Variants in CNST observed in about 807,000 individuals in gnomAD.
The protein encoded by CNST is consortin.
Under a neutral mutation model 72.4 loss-of-function variants are expected in CNST, and 39 were observed. The observed-to-expected ratio is 0.54, with a 90% CI of 0.42 to 0.70. The LOEUF is 0.70. Among genes scored for constraint, CNST ranks in the 30% least tolerant of loss-of-function variants. The probability of loss-of-function intolerance (pLI) is 0.00; values close to 1 mark genes in which losing one functional copy is unlikely to be tolerated. For synonymous variants in CNST, 332 were observed against 320.1 expected (o/e 1.04, Z -0.40); for missense variants, 871 against 868.5 (o/e 1.00, Z -0.04).
chr1:246,662,482 G>A (rs563181592), intron 10 of CNST, among the ~76,000 whole-genome samples: 7 of 152,158 alleles, frequency 4.6e-5, no homozygotes, highest in East Asian at 1.9e-4. Context: ...TCCGCCTCCC[G>A]AGTTCAAGCG....
intron 2 of CNST, among the ~76,000 whole-genome samples, chr1:246,603,930 TAAAAG>T (rs1662491894): frequency 6.6e-6 from 1 of 152,040 alleles, no homozygotes; most frequent in Admixed American, 6.6e-5. Flanking sequence ...GTAAAGCCGT[TAAAAG>T]AAAAAAAGGC....
At chr1:246,601,387 A>AT (rs1313016236) in intron 2 of CNST, among the ~76,000 whole-genome samples, 2 of 152,118 alleles carry the variant, frequency 1.3e-5, no homozygotes, top group South Asian at 2.1e-4. Context: ...ACTGTTAGTG[A>AT]TTTTTTCTAT....
At chr1:246,659,827 A>T (rs1418623143) in intron 9 of CNST, among the ~76,000 whole-genome samples, 1 of 152,240 alleles carries the variant, frequency 6.6e-6, no homozygotes, top group Non-Finnish European at 1.5e-5. Context: ...AGCATTTATT[A>T]TAAAGCAAAA....
chr1:246,639,458 C>T (rs191361393), intron 6 of CNST, among the ~76,000 whole-genome samples: 4 of 152,112 alleles, frequency 2.6e-5, no homozygotes, highest in East Asian at 1.9e-4. Flanking sequence ...AGTGTGCGGT[C>T]GGTTGTGAGC....
intron 9 of CNST, among the ~76,000 whole-genome samples, chr1:246,652,733 A>C (rs13374826): frequency 2.0e-5 from 3 of 151,498 alleles, no homozygotes; most frequent in Admixed American, 2.0e-4. Context: ...GGCCGGGCAC[A>C]GTGGCTCACG....
At chr1:246,582,502 C>G (rs1660860933) in intron 1 of CNST, among the ~76,000 whole-genome samples, 1 of 152,136 alleles carries the variant, frequency 6.6e-6, no homozygotes, top group Non-Finnish European at 1.5e-5. Context: ...GCACGAGCCA[C>G]TGAGCCTGGC....
intron 9 of CNST, among the ~76,000 whole-genome samples, chr1:246,653,162 G>T (rs2103149256): frequency 6.6e-6 from 1 of 152,280 alleles, no homozygotes. Flanking sequence ...GTCTAGTGGG[G>T]AGAAAAATGA....
chr1:246,660,370 GC>G, intron 10 of CNST, 36 bp downstream of exon 10: 1 of 1,593,670 alleles, frequency 6.3e-7, no homozygotes, highest in South Asian at 1.1e-5. Flanking sequence ...CAGGATAGAT[GC>G]TCAGTGTTTG....
At chr1:246,642,062 A>G in intron 8 of CNST, 25 bp downstream of exon 8, 1 of 1,410,276 alleles carries the variant, frequency 7.1e-7, no homozygotes, top group Non-Finnish European at 9.9e-7. Context: ...TAAGCTATGG[A>G]GCAACGTAAA....
At position 246,621,609 on chromosome 1, in the gene CNST, GA is replaced by G; in HGVS notation, c.561del (p.Ala188HisfsTer9). 6.2e-7 allele frequency: 1 copy of G among 1,614,062 alleles called. No homozygotes were observed. Among genetic ancestry groups the G allele is most frequent in the Non-Finnish European group, 8.5e-7 (1 of 1,179,956 alleles). ...IRGEVEQLDS[R>X]ALPLCLHQIA... ...GGTGAAGTTGAGCAGTTGGATTCAA[GA>G]GCACTTCCCCTTTGCCTTCATCAGG... On this transcript the variant is annotated frameshift_variant, in exon 3 of 11. Transcript: ENST00000366513. LOFTEE classifies it high-confidence loss of function.
At chr1:246,640,307 G>T (rs1047836939) in intron 6 of CNST, among the ~76,000 whole-genome samples, 1 of 152,156 alleles carries the variant, frequency 6.6e-6, no homozygotes, top group African/African-American at 2.4e-5. Flanking sequence ...ATGTTTATGT[G>T]TTGTAGTAAA....
At chr1:246,567,912 T>C (rs1659822467) in intron 1 of CNST, among the ~76,000 whole-genome samples, 1 of 152,204 alleles carries the variant, frequency 6.6e-6, no homozygotes, top group Admixed American at 6.5e-5. Flanking sequence ...CTCCAGGACC[T>C]GGAGTCCTAA....
chr1:246,666,614 T>G lies in CNST; in HGVS notation c.*709T>G, dbSNP rs1283405059. On this transcript the variant is annotated 3_prime_UTR_variant, in exon 11 of 11. Transcript: ENST00000366513. ...AACTCTTGACCCTGCAATGAGAAAC[T>G]GTGACAGATCTGTGTCAATTAACTT... 5 of 152,238 alleles carry G rather than the reference T, an allele frequency of 3.3e-5. No individual in the cohort carries two copies. In the East Asian group the frequency reaches 9.6e-4, roughly 29 times the overall value. The allele number at this position is 152,238 out of a possible 1,614,324, so 9.4% of individuals were successfully genotyped here.
At chr1:246,645,629 G>A (rs186123315) in intron 8 of CNST, among the ~76,000 whole-genome samples, 14 of 151,582 alleles carry the variant, frequency 9.2e-5, no homozygotes, top group African/African-American at 2.7e-4. Context: ...GGGTTTCACC[G>A]TGTTAGACAG....
chr1:246,645,668 CCA>C (rs1666015522), intron 8 of CNST, among the ~76,000 whole-genome samples: 2 of 151,558 alleles, frequency 1.3e-5, no homozygotes, highest in Admixed American at 6.6e-5. Flanking sequence ...ACCTCGTGAT[CCA>C]TCCGCCTCGG....
intron 1 of CNST, among the ~76,000 whole-genome samples, chr1:246,567,189 T>TAA: frequency 6.6e-6 from 1 of 152,316 alleles, no homozygotes; most frequent in East Asian, 1.9e-4. Context: ...AATGAAGATG[T>TAA]AAAAGCTTAC....
In CNST at chr1:246,578,458, G is replaced by A. The variant is rs189873243; in HGVS notation, c.-52+11795G>A. Among the ~76,000 whole-genome samples, 619 of 152,024 alleles carry A rather than the reference G, an allele frequency of 4.1e-3. 11 individuals carry two copies. The highest frequency in any genetic ancestry group is 0.014 in the African/African-American group (593 of 41,342). ...GAGGCTGAGGTGGGCGGATCATGAGGTAGGAGATCGAGACCATCCTGGCTA... is the reference window on the plus strand; with the variant it reads ...GAGGCTGAGGTGGGCGGATCATGAGATAGGAGATCGAGACCATCCTGGCTA... On this transcript the variant is annotated intron_variant, in intron 1 of 10. Transcript: ENST00000366513.
In CNST at chr1:246,579,711, C is replaced by T. The variant is rs566800197; in HGVS notation, c.-51-11801C>T. 3.4e-4 allele frequency among the ~76,000 whole-genome samples: 51 copies of T among 152,196 alleles called. No individual in the cohort carries two copies. In the South Asian group the frequency reaches 0.01, roughly 30 times the overall value. ...CGGAGGTTGCAGTGAGCCAAGATTG[C>T]CCCACTGCACTCCAGCCTGGGCGAC... is the stretch of plus-strand genomic sequence containing the variant. On this transcript the variant is annotated intron_variant, in intron 1 of 10. Coordinates refer to ENST00000366513, the MANE Select transcript of CNST (RefSeq NM_152609.3).
chr1:246,569,852 C>A, intron 1 of CNST: 1 of 575,114 alleles, frequency 1.7e-6, no homozygotes, highest in Non-Finnish European at 2.2e-6. Context: ...ATCTGCACGT[C>A]AACAGTGTGT....
Sources: gnomAD v4.1 joint callset for allele counts (sites outside exome capture counted in the v4.1 genomes callset) on GRCh38, gnomAD v4.1.1 for gene constraint, MANE v1.5 for transcripts, NCBI Gene and HGNC (gene_info 2026-07-23, HGNC 2026-07-21) for gene names.